DNAH10: variants seen among roughly 807,000 people sequenced by gnomAD.
DNAH10 encodes axonemal beta dynein heavy chain 10.
In DNAH10, 348 loss-of-function variants were observed where a neutral mutation model predicts 506.6. The ratio of observed to expected loss-of-function variants is 0.69; its 90% CI spans 0.63 to 0.75. DNAH10 has a LOEUF of 0.75. Among genes scored for constraint, DNAH10 ranks in the 30% least tolerant of loss-of-function variants. The pLI is 0.00. For missense variants in DNAH10, 5,179 were observed against 5,787.1 expected, an observed-to-expected ratio of 0.89 and a Z score of 3.41; for synonymous variants, 2,059 against 2,198.6, an observed-to-expected ratio of 0.94 and a Z score of 1.78.
In DNAH10 at chr12:123,924,999, C is replaced by A. The variant is rs955883735; in HGVS notation, c.11767-51C>A. On this transcript the variant is annotated intron_variant, in intron 67 of 78. Coordinates refer to ENST00000673944, the MANE Select transcript of DNAH10 (RefSeq NM_001372106.1). ...TGCCACCTTCACACATAAATGGGGACCTATGTCATTTCTGAGTTGACGCAC... is the reference window on the plus strand; with the variant it reads ...TGCCACCTTCACACATAAATGGGGAACTATGTCATTTCTGAGTTGACGCAC... 3.7e-6 allele frequency: 6 copies of A among 1,604,164 alleles called. No individual in the cohort carries two copies. In the African/African-American group the frequency reaches 4.0e-5, roughly 11 times the overall value.
At chr12:123,783,704 A>G (rs1377379475) in intron 7 of DNAH10, among the ~76,000 whole-genome samples, 2 of 152,200 alleles carry the variant, frequency 1.3e-5, no homozygotes, top group Non-Finnish European at 2.9e-5. Context: ...TCCTTGCAGC[A>G]GTTTCTGGCC....
chr12:123,873,439 TA>T lies in DNAH10; in HGVS notation c.7786-114del, dbSNP rs1252516699. On this transcript the variant is annotated intron_variant, in intron 45 of 78. Coordinates refer to ENST00000673944, the MANE Select transcript of DNAH10 (RefSeq NM_001372106.1). Reference sequence around the variant, plus strand: ...GAAGCACAGTCTCACACTGGGTTATTAAAAAGTTAGTTCAGAGGCCAATGGA... The same window carrying T: ...GAAGCACAGTCTCACACTGGGTTATTAAAAGTTAGTTCAGAGGCCAATGGA... 88 of 1,192,114 alleles carry T rather than the reference TA, an allele frequency of 7.4e-5. No individual in the cohort carries two copies. In the Admixed American group the frequency reaches 2.0e-3, roughly 27 times the overall value. The allele number at this position is 1,192,114 out of a possible 1,614,324, so 73.8% of individuals were successfully genotyped here. A position where few individuals can be genotyped will look rare whatever the true frequency, so the allele number is the denominator to read the frequency against.
chr12:123,783,030 G>C, intron 6 of DNAH10, 77 bp from the exon 7 acceptor site: 2 of 1,451,288 alleles, frequency 1.4e-6, no homozygotes. Flanking sequence ...AGACGACCCA[G>C]CCGGTGAACT....
chr12:123,876,270 G>A (rs190689050), intron 47 of DNAH10, among the ~76,000 whole-genome samples: 19 of 152,224 alleles, frequency 1.2e-4, no homozygotes, highest in Non-Finnish European at 1.3e-4. Flanking sequence ...AACTCCCACC[G>A]AGGGCTGGTT....
At chr12:123,920,662 T>C (rs952724043) in intron 65 of DNAH10, among the ~76,000 whole-genome samples, 2 of 152,250 alleles carry the variant, frequency 1.3e-5, no homozygotes, top group African/African-American at 4.8e-5. Flanking sequence ...AATTGTCTTA[T>C]ATGTCATGTT....
intron 78 of DNAH10, 63 bp from the exon 79 acceptor site, chr12:123,935,272 C>T: frequency 6.4e-7 from 1 of 1,571,284 alleles, no homozygotes; most frequent in Non-Finnish European, 8.7e-7. Flanking sequence ...TACACTGCAC[C>T]TCTGCCTTTA....
intron 64 of DNAH10, 144 bp from the exon 65 acceptor site, chr12:123,918,531 TG>T: frequency 1.1e-6 from 1 of 928,002 alleles, no homozygotes; most frequent in Non-Finnish European, 1.5e-6. Flanking sequence ...TACAAGAGGG[TG>T]GGTGCCCTCG....
At chr12:123,834,374 G>A (rs1351630316) in intron 27 of DNAH10, among the ~76,000 whole-genome samples, 1 of 151,872 alleles carries the variant, frequency 6.6e-6, no homozygotes, top group Non-Finnish European at 1.5e-5. Context: ...TGCCTGGCTA[G>A]TTTTTGTATT....
chr12:123,866,601 T>C (rs1951822672), intron 41 of DNAH10, among the ~76,000 whole-genome samples: 1 of 152,168 alleles, frequency 6.6e-6, no homozygotes, highest in Admixed American at 6.5e-5. Context: ...ATTGGATTGG[T>C]TGGTCTAGAC....
intron 21 of DNAH10, among the ~76,000 whole-genome samples, chr12:123,816,808 G>C (rs1565941934): frequency 6.6e-6 from 1 of 152,198 alleles, no homozygotes; most frequent in Non-Finnish European, 1.5e-5. Flanking sequence ...TATAGGCCTA[G>C]ACGTGAAGTT....
Position 123,796,821 on chromosome 12 carries a change from C to T in DNAH10, c.2152C>T (p.Arg718Ter), listed in dbSNP as rs1362382366. 5.0e-6 allele frequency: 8 copies of T among 1,608,484 alleles called. No homozygotes were observed. The highest frequency in any genetic ancestry group is 4.5e-5 in the East Asian group (2 of 44,810). ...GGTACAAGAGATACTGGACAGTGAT[C>T]GAGGACAGGAGGTATGTTGCTCTTG... is the stretch of plus-strand genomic sequence containing the variant. ...QEVQEILDSD[R>*]GQEVKQKYLE... The change falls in exon 13 of 79, where the codon CGA becomes TGA. Residue 718 changes from arginine to a stop codon, truncating the protein, a stop_gained. Transcript: ENST00000673944. LOFTEE classifies it high-confidence loss of function.
intron 15 of DNAH10, among the ~76,000 whole-genome samples, chr12:123,800,743 G>T (rs993010211): frequency 1.3e-5 from 2 of 152,014 alleles, no homozygotes; most frequent in African/African-American, 4.8e-5. Flanking sequence ...ATGGGGTTGG[G>T]TGTGGTGGCT....
intron 53 of DNAH10, among the ~76,000 whole-genome samples, chr12:123,894,130 G>A (rs114578145): frequency 0.027 from 3,354 of 124,348 alleles, 143 homozygotes; most frequent in African/African-American, 0.095. Flanking sequence ...TCGCTCTGTC[G>A]CCCAGATTAG....
intron 39 of DNAH10, among the ~76,000 whole-genome samples, chr12:123,862,275 T>C (rs1951641253): frequency 1.3e-5 from 2 of 152,240 alleles, no homozygotes; most frequent in African/African-American, 4.8e-5. Context: ...CCTTCACCCA[T>C]TCACCCAATG....
At chr12:123,807,828 G>A (rs1350497006) in intron 18 of DNAH10, among the ~76,000 whole-genome samples, 2 of 129,624 alleles carry the variant, frequency 1.5e-5, no homozygotes, top group Admixed American at 7.9e-5. Flanking sequence ...TAAGGAGGGG[G>A]GAAGAGGGAG....
rs750867553 is a variant in DNAH10, at chr12:123,801,400, C to T, written c.2582C>T (p.Ser861Leu). ...CAGGAACTGCTCCGAGTGTTTAGGT[C>T]GGGATATAAGAGGTTGAACTGGAAC... Reference protein sequence around the residue: ...HSQELLRVFRSGYKRLNWNSL... With the variant: ...HSQELLRVFRLGYKRLNWNSL... The change falls in exon 16 of 79, where the codon TCG (serine) becomes TTG (leucine). Residue 861 changes from serine to leucine, a missense_variant. Coordinates refer to ENST00000673944, the MANE Select transcript of DNAH10 (RefSeq NM_001372106.1). 75 of 1,613,906 alleles carry T rather than the reference C, an allele frequency of 4.6e-5. No individual in the cohort carries two copies. The highest frequency in any genetic ancestry group is 6.0e-5 in the Non-Finnish European group (71 of 1,180,014).
intron 41 of DNAH10, among the ~76,000 whole-genome samples, chr12:123,866,892 G>A (rs920899940): frequency 8.5e-5 from 13 of 152,224 alleles, no homozygotes; most frequent in African/African-American, 2.9e-4. Context: ...CACCTAGGAC[G>A]CTACGACCAC....
intron 27 of DNAH10, among the ~76,000 whole-genome samples, chr12:123,835,090 A>G (rs1459553540): frequency 6.6e-6 from 1 of 152,200 alleles, no homozygotes; most frequent in African/African-American, 2.4e-5. Flanking sequence ...AGTGTCTGGC[A>G]TGGCCTGTCC....
At position 123,820,658 on chromosome 12, in the gene DNAH10, A is replaced by C. The variant is rs1317991639; in HGVS notation, c.4079A>C (p.Lys1360Thr). 1 of 1,613,886 alleles carries C rather than the reference A, an allele frequency of 6.2e-7. No individual in the cohort carries two copies. The highest frequency in any genetic ancestry group is 8.5e-7 in the Non-Finnish European group (1 of 1,179,898). The part of the protein sequence containing the change: ...KSRQELANAE[K>T]LFDLPITMYP... ...CGTCAGGAACTGGCTAACGCTGAGA[A>C]ACTTTTCGATCTTCCTATTACAATG... Residue 1360 changes from lysine (K) to threonine (T), a missense_variant, in exon 24 of 79, where the codon AAA (lysine) becomes ACA (threonine). Lys to Thr is a moderately conservative substitution (Grantham distance 78). Transcript: ENST00000673944.
Sources: gnomAD v4.1 joint callset for allele counts (sites outside exome capture counted in the v4.1 genomes callset) on GRCh38, gnomAD v4.1.1 for gene constraint, MANE v1.5 for transcripts, NCBI Gene and HGNC (gene_info 2026-07-23, HGNC 2026-07-21) for gene names.